GRIA4: variants seen among roughly 807,000 people sequenced by gnomAD.
The protein encoded by GRIA4 is glutamate receptor 4.
In GRIA4, 34 loss-of-function variants were observed where a neutral mutation model predicts 104.0. That is an observed-to-expected ratio of 0.33 (90% CI 0.25 to 0.44). GRIA4 has a LOEUF of 0.44. GRIA4 is among the 20% of genes least tolerant of loss of function. The probability of loss-of-function intolerance (pLI) is 1.00; values close to 1 mark genes in which losing one functional copy is unlikely to be tolerated. For missense variants in GRIA4, 750 were observed against 1,096.5 expected (o/e 0.68, Z 4.46); for synonymous variants, 386 against 381.9 (o/e 1.01, Z -0.13).
chr11:105,787,678 T>TG (rs1222963165), intron 4 of GRIA4, among the ~76,000 whole-genome samples: 1 of 74 alleles, frequency 0.014, no homozygotes, highest in African/African-American at 0.045. Flanking sequence ...TGTTTCACCA[T>TG]GTTGCCAGGC....
At chr11:105,673,204 C>A (rs1056330462) in intron 3 of GRIA4, among the ~76,000 whole-genome samples, 1 of 152,078 alleles carries the variant, frequency 6.6e-6, no homozygotes, top group Non-Finnish European at 1.5e-5. Flanking sequence ...TCTTACCTAC[C>A]TCAGTGCATT....
intron 4 of GRIA4, among the ~76,000 whole-genome samples, chr11:105,757,949 A>C (rs569948383): frequency 6.6e-6 from 1 of 152,184 alleles, no homozygotes; most frequent in African/African-American, 2.4e-5. Context: ...ATAAAATTGT[A>C]TAAAAATTTT....
At chr11:105,664,858 A>G (rs1032739159) in intron 3 of GRIA4, among the ~76,000 whole-genome samples, 9 of 152,006 alleles carry the variant, frequency 5.9e-5, no homozygotes, top group African/African-American at 1.9e-4. Context: ...CTCACAATAG[A>G]ATCAATTGGG....
At chr11:105,866,330 T>C (rs1270034051) in intron 5 of GRIA4, among the ~76,000 whole-genome samples, 1 of 151,892 alleles carries the variant, frequency 6.6e-6, no homozygotes, top group Non-Finnish European at 1.5e-5. Context: ...GCATGGGATA[T>C]ACCTTGAAAA....
At chr11:105,862,002 T>C (rs1265338351) in intron 4 of GRIA4, 22 bp from the exon 5 acceptor site, 2 of 1,531,958 alleles carry the variant, frequency 1.3e-6, no homozygotes, top group Admixed American at 3.5e-5. Flanking sequence ...ATGTTTTTAG[T>C]AACTTTTTTT....
At chr11:105,897,949 C>T (rs2136127423) in intron 6 of GRIA4, among the ~76,000 whole-genome samples, 1 of 152,152 alleles carries the variant, frequency 6.6e-6, no homozygotes, top group South Asian at 2.1e-4. Context: ...AAATAGGAGA[C>T]TTTTTGATGC....
At chr11:105,840,530 T>C (rs945787312) in intron 4 of GRIA4, among the ~76,000 whole-genome samples, 2 of 152,182 alleles carry the variant, frequency 1.3e-5, no homozygotes, top group African/African-American at 4.8e-5. Flanking sequence ...ATATCTGCAG[T>C]ATGTGTGTGA....
intron 4 of GRIA4, among the ~76,000 whole-genome samples, chr11:105,805,478 G>GAAAAAAAAAAAAAAAAAAA (rs57123559): frequency 5.5e-4 from 51 of 92,444 alleles, no homozygotes; most frequent in African/African-American, 1.8e-3. Context: ...AAGAAATCAG[G>GAAAAAAAAAAAAAAAAAAA]AAAAAAAAAA....
intron 16 of GRIA4, 158 bp downstream of exon 16, chr11:105,974,602 G>A: frequency 3.8e-6 from 6 of 1,582,472 alleles, no homozygotes; most frequent in Non-Finnish European, 5.2e-6. Context: ...TGCATCCTGT[G>A]AACGCAGTGT....
intron 4 of GRIA4, among the ~76,000 whole-genome samples, chr11:105,812,966 T>C (rs1032471881): frequency 6.6e-6 from 1 of 151,738 alleles, no homozygotes; most frequent in African/African-American, 2.4e-5. Flanking sequence ...CTGGGCATAA[T>C]GGTGGGCACC....
intron 5 of GRIA4, among the ~76,000 whole-genome samples, chr11:105,880,673 A>G (rs1392477777): frequency 6.6e-6 from 1 of 152,202 alleles, no homozygotes; most frequent in Non-Finnish European, 1.5e-5. Flanking sequence ...AAGTGAAGAC[A>G]TTTTGAAGGT....
intron 3 of GRIA4, among the ~76,000 whole-genome samples, chr11:105,642,885 A>G (rs1951411564): frequency 2.0e-5 from 3 of 152,202 alleles, no homozygotes; most frequent in African/African-American, 7.2e-5. Context: ...AGACTGAGTA[A>G]TTTATAAAGG....
intron 14 of GRIA4, among the ~76,000 whole-genome samples, chr11:105,968,211 C>A (rs1399352881): frequency 6.6e-6 from 1 of 152,198 alleles, no homozygotes; most frequent in Non-Finnish European, 1.5e-5. Flanking sequence ...AATATGGAAA[C>A]CTGTACCACA....
intron 3 of GRIA4, among the ~76,000 whole-genome samples, chr11:105,667,235 T>C (rs1952193608): frequency 6.6e-6 from 1 of 152,148 alleles, no homozygotes; most frequent in East Asian, 1.9e-4. Context: ...ACCCTATATT[T>C]AATCTCCTCT....
rs910214817 is a variant in GRIA4, at chr11:105,805,862, T to G, written c.487+52642T>G. On this transcript the variant is annotated intron_variant, in intron 4 of 16. Coordinates refer to ENST00000282499, the MANE Select transcript of GRIA4 (RefSeq NM_000829.4). ...TTTTGTGGCAGACAGCCTTCCTTAG[T>G]AACCCATAAATGTGGCCTAACTGGA... Among the ~76,000 whole-genome samples the G allele has an allele frequency of 5.9e-5, 9 of 151,896 alleles. No individual in the cohort carries two copies. In the South Asian group the frequency reaches 1.9e-3, roughly 31 times the overall value.
At chr11:105,760,062 G>A (rs1056673936) in intron 4 of GRIA4, among the ~76,000 whole-genome samples, 1 of 152,052 alleles carries the variant, frequency 6.6e-6, no homozygotes, top group African/African-American at 2.4e-5. Flanking sequence ...CTCTCCCCGA[G>A]CCAGACTCAT....
In GRIA4 at chr11:105,742,687, C is replaced by T. The variant is rs530298528; in HGVS notation, c.248-10294C>T. Reference sequence around the variant, plus strand: ...TCCTTTGCAGATACATTTAGCATTACATAATTACCAAAGCCCACATTTTAT... The same window carrying T: ...TCCTTTGCAGATACATTTAGCATTATATAATTACCAAAGCCCACATTTTAT... On this transcript the variant is annotated intron_variant, in intron 3 of 16. Transcript: ENST00000282499. Among the ~76,000 whole-genome samples the T allele has an allele frequency of 5.3e-5, 8 of 152,064 alleles. No individual in the cohort carries two copies. In the South Asian group the frequency reaches 1.2e-3, roughly 24 times the overall value.
intron 4 of GRIA4, among the ~76,000 whole-genome samples, chr11:105,823,767 T>G (rs1943662694): frequency 6.6e-6 from 1 of 152,122 alleles, no homozygotes; most frequent in Non-Finnish European, 1.5e-5. Context: ...GATTTTTTAA[T>G]TATTAATGCA....
intron 4 of GRIA4, among the ~76,000 whole-genome samples, chr11:105,796,371 T>A (rs972893178): frequency 2.0e-5 from 3 of 152,332 alleles, no homozygotes; most frequent in Admixed American, 6.5e-5. Flanking sequence ...ATATTGATTA[T>A]ATAAGTTGGC....
Sources: gnomAD v4.1 joint callset for allele counts (sites outside exome capture counted in the v4.1 genomes callset) on GRCh38, gnomAD v4.1.1 for gene constraint, MANE v1.5 for transcripts, NCBI Gene and HGNC (gene_info 2026-07-23, HGNC 2026-07-21) for gene names.